The following PAK5 variants were observed in gnomAD, a reference collection of about 807,000 sequenced individuals.
PAK5 encodes the protein serine/threonine-protein kinase PAK 5.
In PAK5, 16 loss-of-function variants were observed where a neutral mutation model predicts 65.9. That is an observed-to-expected ratio of 0.24 (90% confidence interval 0.16 to 0.37). PAK5 has a LOEUF of 0.37. Among genes scored for constraint, PAK5 ranks in the 10% least tolerant of loss-of-function variants. The probability of loss-of-function intolerance (pLI) is 1.00; values close to 1 mark genes in which losing one functional copy is unlikely to be tolerated. For missense variants in PAK5, 785 were observed against 903.9 expected, an observed-to-expected ratio of 0.87 and a Z score of 1.69; for synonymous variants, 371 against 354.9, an observed-to-expected ratio of 1.05 and a Z score of -0.51.
rs866863982 is a variant in PAK5, at chr20:9,729,998, A to G, written c.-161-18563T>C. Among the ~76,000 whole-genome samples, 477 of 49,662 alleles carry G rather than the reference A, an allele frequency of 9.6e-3. 1 individual carries two copies. The highest frequency in any genetic ancestry group is 0.015 in the Non-Finnish European group (373 of 25,580). The allele number at this position is 49,662 out of a possible 152,430, so 32.6% of individuals were successfully genotyped here. A position where few individuals can be genotyped will look rare whatever the true frequency, so the allele number is the denominator to read the frequency against. On this transcript the variant is annotated intron_variant, in intron 1 of 9. Transcript: ENST00000353224. ...CTGCACTCAAGCCTGGGCAACAGGG[A>G]AAAAAAAAAAAAAAAAGAGAGAGAG...
At chr20:9,556,114 G>C (rs2045502037) in intron 7 of PAK5, among the ~76,000 whole-genome samples, 1 of 152,228 alleles carries the variant, frequency 6.6e-6, no homozygotes, top group African/African-American at 2.4e-5. Flanking sequence ...GCCACTAACT[G>C]TTGAGTGGAT....
chr20:9,653,299 AC>A, intron 2 of PAK5, among the ~76,000 whole-genome samples: 1 of 152,292 alleles, frequency 6.6e-6, no homozygotes, highest in East Asian at 1.9e-4. Context: ...AAAAGCCACT[AC>A]TTCACCATGG....
At chr20:9,591,798 T>C (rs1207906766) in intron 3 of PAK5, among the ~76,000 whole-genome samples, 1 of 152,026 alleles carries the variant, frequency 6.6e-6, no homozygotes, top group Non-Finnish European at 1.5e-5. Context: ...CCAAGAAAAA[T>C]TTACCTTTGC....
In PAK5 at chr20:9,626,279, A is replaced by G. The variant is rs142167454; in HGVS notation, c.204+17846T>C. Among the ~76,000 whole-genome samples, 606 of 152,346 alleles carry G rather than the reference A, an allele frequency of 4.0e-3. 1 individual carries two copies. Among genetic ancestry groups the G allele is most frequent in the Non-Finnish European group, 6.6e-3 (449 of 68,042 alleles). ...ACAGAAAAAGAAAAAAAAGAAAAAT[A>G]ATAAAAATAATCTTGCTGTCAAAAG... On this transcript the variant is annotated intron_variant, in intron 3 of 9. Coordinates refer to ENST00000353224, the MANE Select transcript of PAK5 (RefSeq NM_177990.4).
intron 7 of PAK5, among the ~76,000 whole-genome samples, chr20:9,555,728 A>G (rs1296809038): frequency 6.6e-6 from 1 of 152,178 alleles, no homozygotes; most frequent in African/African-American, 2.4e-5. Flanking sequence ...CAGAGTTTAT[A>G]TCCCTACTCC....
At chr20:9,771,789 A>T (rs6056856) in intron 1 of PAK5, among the ~76,000 whole-genome samples, 2 of 151,922 alleles carry the variant, frequency 1.3e-5, no homozygotes, top group South Asian at 4.1e-4. Context: ...CTGTAATATC[A>T]ACACTTTGGG....
At chr20:9,578,668 A>G (rs2045927204) in intron 4 of PAK5, among the ~76,000 whole-genome samples, 1 of 152,238 alleles carries the variant, frequency 6.6e-6, no homozygotes, top group African/African-American at 2.4e-5. Flanking sequence ...ATTTCATATC[A>G]CTCACAGAAA....
chr20:9,837,448 A>T (rs1364595590), intron 1 of PAK5, among the ~76,000 whole-genome samples: 2 of 152,202 alleles, frequency 1.3e-5, no homozygotes, highest in African/African-American at 2.4e-5. Flanking sequence ...AAAGCAAAAA[A>T]TAAACCCATG....
At chr20:9,585,325 G>T (rs568330668) in intron 3 of PAK5, among the ~76,000 whole-genome samples, 105 of 152,056 alleles carry the variant, frequency 6.9e-4, no homozygotes, top group Non-Finnish European at 1.1e-3. Flanking sequence ...CTGAAACCTG[G>T]AGTTGACTTT....
At chr20:9,742,710 A>G (rs2048463606) in intron 1 of PAK5, among the ~76,000 whole-genome samples, 1 of 152,160 alleles carries the variant, frequency 6.6e-6, no homozygotes, top group African/African-American at 2.4e-5. Context: ...TACATACTTG[A>G]TCTCCAAATG....
At chr20:9,747,126 C>G (rs1249332652) in intron 1 of PAK5, among the ~76,000 whole-genome samples, 2 of 152,130 alleles carry the variant, frequency 1.3e-5, no homozygotes, top group Admixed American at 6.6e-5. Flanking sequence ...CCTCCCAAGA[C>G]TAAACCAGGA....
intron 7 of PAK5, among the ~76,000 whole-genome samples, chr20:9,555,644 T>G (rs1414331658): frequency 6.6e-6 from 1 of 152,164 alleles, no homozygotes; most frequent in African/African-American, 2.4e-5. Flanking sequence ...TAAGAAAAAA[T>G]GCATACACAG....
At chr20:9,641,670 C>T (rs1407917182) in intron 3 of PAK5, among the ~76,000 whole-genome samples, 1 of 152,030 alleles carries the variant, frequency 6.6e-6, no homozygotes, top group African/African-American at 2.4e-5. Flanking sequence ...CTCGGCCGCA[C>T]AGGAGCCCAT....
At chr20:9,673,647 A>T (rs2047530369) in intron 2 of PAK5, among the ~76,000 whole-genome samples, 1 of 152,146 alleles carries the variant, frequency 6.6e-6, no homozygotes. Context: ...ATTTAATGGC[A>T]GTTTATCTGC....
chr20:9,679,185 C>T (rs1225467053), intron 2 of PAK5, among the ~76,000 whole-genome samples: 1 of 152,148 alleles, frequency 6.6e-6, no homozygotes, highest in Non-Finnish European at 1.5e-5. Context: ...TTCTCAGTAA[C>T]ATATTCTTTC....
intron 1 of PAK5, among the ~76,000 whole-genome samples, chr20:9,834,466 T>C (rs1486669369): frequency 7.9e-5 from 12 of 152,306 alleles, no homozygotes; most frequent in African/African-American, 2.6e-4. Context: ...GCAATTTCTC[T>C]CCTAATTTAC....
chr20:9,639,299 A>G (rs902057539), intron 3 of PAK5, among the ~76,000 whole-genome samples: 5 of 152,282 alleles, frequency 3.3e-5, no homozygotes, highest in African/African-American at 7.2e-5. Context: ...TTGACCACCA[A>G]TATTGTCTAC....
intron 1 of PAK5, among the ~76,000 whole-genome samples, chr20:9,736,511 G>T (rs2048391032): frequency 6.6e-6 from 1 of 152,126 alleles, no homozygotes; most frequent in Non-Finnish European, 1.5e-5. Context: ...TGAACTAAGT[G>T]ACCTCAAGCC....
chr20:9,620,516 C>T (rs373228763), intron 3 of PAK5, among the ~76,000 whole-genome samples: 21 of 152,292 alleles, frequency 1.4e-4, no homozygotes, highest in African/African-American at 4.8e-4. Context: ...GTGCTGAGGA[C>T]ATCTCAACAG....
Sources: gnomAD v4.1 joint callset for allele counts (sites outside exome capture counted in the v4.1 genomes callset) on GRCh38, gnomAD v4.1.1 for gene constraint, MANE v1.5 for transcripts, NCBI Gene and HGNC (gene_info 2026-07-23, HGNC 2026-07-21) for gene names.